IQSEC3: variants seen among roughly 807,000 people sequenced by gnomAD.
IQSEC3 encodes the protein IQ motif and Sec7 domain ArfGEF 3.
Under a neutral mutation model 105.4 loss-of-function variants are expected in IQSEC3, and 50 were observed. The ratio of observed to expected loss-of-function variants is 0.47; its 90% CI spans 0.38 to 0.60. The LOEUF (loss-of-function observed/expected upper bound fraction) is 0.60. Among genes scored for constraint, IQSEC3 ranks in the 20% least tolerant of loss-of-function variants. The pLI is 0.00. For synonymous variants in IQSEC3, 708 were observed against 746.0 expected, an observed-to-expected ratio of 0.95 and a Z score of 0.83; for missense variants, 1,415 against 1,630.0, an observed-to-expected ratio of 0.87 and a Z score of 2.27.
In IQSEC3 at chr12:125,748, C is replaced by CAGG. The variant is rs782167266; in HGVS notation, c.751_753dup (p.Glu251dup). On this transcript the variant is annotated inframe_insertion, in exon 3 of 14. Coordinates refer to ENST00000538872, the MANE Select transcript of IQSEC3 (RefSeq NM_001170738.2). ...CCCGAAGGCTCAAGCCCAGGAGCTG[C>CAGG]AGGAGGAGGAGGAGCGGCCGGGGGC... The CAGG allele has an allele frequency of 7.9e-6, 12 of 1,520,654 alleles. No individual in the cohort carries two copies. Among genetic ancestry groups the CAGG allele is most frequent in the African/African-American group, 1.4e-5 (1 of 71,974 alleles). The allele number at this position is 1,520,654 out of a possible 1,614,324, so 94.2% of individuals were successfully genotyped here.
chr12:141,265 GT>G lies in IQSEC3; in HGVS notation c.2135del (p.Phe712SerfsTer93). 6.2e-7 allele frequency: 1 copy of G among 1,614,116 alleles called. No homozygotes were observed. The highest frequency in any genetic ancestry group is 8.5e-7 in the Non-Finnish European group (1 of 1,180,004). ...GEFLGNSKKQFNRDVLDCVVD... is the reference protein window; with the variant it reads ...GEFLGNSKKQXNRDVLDCVVD... ...AGTTCCTGGGCAACAGCAAGAAGCA[GT>G]TCAACCGCGACGTGCTGGAGTGAGT... On this transcript the variant is annotated frameshift_variant, in exon 5 of 14. Coordinates refer to ENST00000538872, the MANE Select transcript of IQSEC3 (RefSeq NM_001170738.2). LOFTEE classifies it high-confidence loss of function.
chr12:96,116 TGTAA>T (rs1421087489), intron 1 of IQSEC3, among the ~76,000 whole-genome samples: 4 of 152,162 alleles, frequency 2.6e-5, no homozygotes, highest in African/African-American at 9.7e-5. Flanking sequence ...CAGTGACTTA[TGTAA>T]GTAAGAAAGT....
intron 5 of IQSEC3, among the ~76,000 whole-genome samples, chr12:142,939 G>A (rs187036712): frequency 3.3e-4 from 50 of 152,352 alleles, no homozygotes; most frequent in Middle Eastern, 6.8e-3. Context: ...TCTCTGCTCT[G>A]GGGGCAGGAG....
At chr12:101,208 C>G (rs1864410934) in intron 2 of IQSEC3, among the ~76,000 whole-genome samples, 1 of 152,178 alleles carries the variant, frequency 6.6e-6, no homozygotes, top group Admixed American at 6.5e-5. Flanking sequence ...CCAGCACTCC[C>G]CTGCTGCCTG....
intron 5 of IQSEC3, among the ~76,000 whole-genome samples, chr12:146,769 A>C (rs1278917536): frequency 6.6e-6 from 1 of 152,162 alleles, no homozygotes; most frequent in Non-Finnish European, 1.5e-5. Flanking sequence ...GACCCAGTGC[A>C]GGCAGGCAGG....
At chr12:149,847 G>A (rs558734555) in intron 5 of IQSEC3, among the ~76,000 whole-genome samples, 1 of 152,254 alleles carries the variant, frequency 6.6e-6, no homozygotes, top group African/African-American at 2.4e-5. Context: ...GCTGCAGGGG[G>A]GGACCATGCT....
At chr12:93,396 C>T (rs1456887827) in intron 1 of IQSEC3, among the ~76,000 whole-genome samples, 1 of 152,184 alleles carries the variant, frequency 6.6e-6, no homozygotes, top group Non-Finnish European at 1.5e-5. Context: ...GTTGGTGCCA[C>T]CAAGAGATCC....
At chr12:157,492 G>T in intron 6 of IQSEC3, 36 bp from the exon 7 acceptor site, 1 of 1,389,488 alleles carries the variant, frequency 7.2e-7, no homozygotes. Flanking sequence ...GGTGGGCGGG[G>T]GCTCAGCGTC....
At chr12:157,364 TG>T (rs1316903673) in intron 6 of IQSEC3, among the ~76,000 whole-genome samples, 163 bp from the exon 7 acceptor site, 2 of 150,996 alleles carry the variant, frequency 1.3e-5, no homozygotes, top group African/African-American at 4.9e-5. Flanking sequence ...GTGGGGCATT[TG>T]GGGGTGTGGG....
chr12:124,585 C>A (rs973479137), intron 2 of IQSEC3, among the ~76,000 whole-genome samples: 1 of 152,258 alleles, frequency 6.6e-6, no homozygotes, highest in Admixed American at 6.5e-5. Flanking sequence ...GCCACACAGT[C>A]GTAGAGCTTG....
At chr12:134,616 G>A (rs998752242) in intron 3 of IQSEC3, among the ~76,000 whole-genome samples, 2 of 152,222 alleles carry the variant, frequency 1.3e-5, no homozygotes, top group Non-Finnish European at 2.9e-5. Flanking sequence ...AAATCTGGCC[G>A]GGCGCAGTGG....
intron 1 of IQSEC3, among the ~76,000 whole-genome samples, chr12:95,106 G>A (rs1864204498): frequency 6.6e-6 from 1 of 152,282 alleles, no homozygotes; most frequent in African/African-American, 2.4e-5. Context: ...ATCAAAAGAT[G>A]TTTAGGTTTC....
intron 5 of IQSEC3, chr12:149,286 A>C (rs1866410754): frequency 6.6e-6 from 1 of 152,226 alleles, no homozygotes; most frequent in Non-Finnish European, 1.5e-5. Context: ...CCATTGCTCT[A>C]GTTCTCAGCA....
In IQSEC3 at chr12:177,251, ACACAGCTCTTCAAGCTTACCAAGG is replaced by A. The variant is rs1939267235; in HGVS notation, c.*2219_*2242del. 1 of 105,566 alleles carries A rather than the reference ACACAGCTCTTCAAGCTTACCAAGG, an allele frequency of 9.5e-6. No individual in the cohort carries two copies. Among genetic ancestry groups the A allele is most frequent in the African/African-American group, 3.1e-5 (1 of 32,590 alleles). The allele number at this position is 105,566 out of a possible 1,614,324, so 6.5% of individuals were successfully genotyped here. A position where few individuals can be genotyped will look rare whatever the true frequency, so the allele number is the denominator to read the frequency against. On this transcript the variant is annotated 3_prime_UTR_variant, in exon 14 of 14. Coordinates refer to ENST00000538872, the MANE Select transcript of IQSEC3 (RefSeq NM_001170738.2). The surrounding 1 kb of genome is among the most constrained non-coding windows in gnomAD (Gnocchi z 5.3). ...ACAGGCAGAACCCCGTCCCCTGCTC[ACACAGCTCTTCAAGCTTACCAAGG>A]ACAGGCAGGACCCCGTCCCCTGCTC...
chr12:124,106 G>A (rs1385442602), intron 2 of IQSEC3, among the ~76,000 whole-genome samples: 4 of 152,102 alleles, frequency 2.6e-5, no homozygotes, highest in African/African-American at 7.2e-5. Context: ...TATTTACTGG[G>A]CCGGGCACAG....
At position 125,679 on chromosome 12, in the gene IQSEC3, G is replaced by A; in HGVS notation, c.670G>A (p.Val224Met). 1 of 1,539,258 alleles carries A rather than the reference G, an allele frequency of 6.5e-7. No individual in the cohort carries two copies. The highest frequency in any genetic ancestry group is 8.7e-7 in the Non-Finnish European group (1 of 1,154,264). Residue 224 changes from valine (V) to methionine (M), a missense_variant, in exon 3 of 14, where the codon GTG (valine) becomes ATG (methionine). Around this residue, in one of 6 missense-constraint regions of IQSEC3, gnomAD observed 720 missense variants for 633.0 expected, o/e 1.14. Coordinates refer to ENST00000538872, the MANE Select transcript of IQSEC3 (RefSeq NM_001170738.2). Reference protein sequence around the residue: ...QAGGGMEDSVVAAAAVAAGRP... With the variant: ...QAGGGMEDSVMAAAAVAAGRP... Reference sequence around the variant, plus strand: ...CGGTGGGGGCATGGAGGACTCCGTGGTGGCAGCGGCGGCGGTGGCAGCCGG... The same window carrying A: ...CGGTGGGGGCATGGAGGACTCCGTGATGGCAGCGGCGGCGGTGGCAGCCGG...
intron 1 of IQSEC3, among the ~76,000 whole-genome samples, chr12:95,874 C>G (rs1864227348): frequency 6.6e-6 from 1 of 152,160 alleles, no homozygotes; most frequent in Non-Finnish European, 1.5e-5. Context: ...CAATCATTTC[C>G]TGATTGATGA....
chr12:144,393 C>G (rs1264852457), intron 5 of IQSEC3: 1 of 152,252 alleles, frequency 6.6e-6, no homozygotes, highest in Non-Finnish European at 1.5e-5. Context: ...TGGTGACATT[C>G]AGCAAGCGGT....
chr12:175,064 G>A lies in IQSEC3; in HGVS notation c.*31G>A, dbSNP rs776921648. On this transcript the variant is annotated 3_prime_UTR_variant, in exon 14 of 14. Coordinates refer to ENST00000538872, the MANE Select transcript of IQSEC3 (RefSeq NM_001170738.2). ...GCCCCACCACCCTGCTGTCCTGGGAGGGCTGGCCACTGGGGGGCCTGGGCT... is the reference window on the plus strand; with the variant it reads ...GCCCCACCACCCTGCTGTCCTGGGAAGGCTGGCCACTGGGGGGCCTGGGCT... 1 of 1,474,166 alleles carries A rather than the reference G, an allele frequency of 6.8e-7. No homozygotes were observed. Among genetic ancestry groups the A allele is most frequent in the Non-Finnish European group, 9.0e-7 (1 of 1,114,592 alleles). The allele number at this position is 1,474,166 out of a possible 1,614,324, so 91.3% of individuals were successfully genotyped here.
Sources: gnomAD v4.1 joint callset for allele counts (sites outside exome capture counted in the v4.1 genomes callset) on GRCh38, gnomAD v4.1.1 for gene constraint, gnomAD v4.1.1 regional missense constraint, Gnocchi (gnomAD v3.1) non-coding constraint, MANE v1.5 for transcripts, NCBI Gene and HGNC (gene_info 2026-07-23, HGNC 2026-07-21) for gene names.